The following TMEM26 variants were observed in gnomAD, a reference collection of about 807,000 sequenced individuals.
TMEM26 encodes the protein transmembrane protein 26.
In TMEM26, 38 loss-of-function variants were observed where a neutral mutation model predicts 28.8. The ratio of observed to expected loss-of-function variants is 1.32; its 90% CI spans 1.02 to 1.73. TMEM26 has a LOEUF of 1.73. Among genes scored for constraint, TMEM26 ranks in the 40% most tolerant of loss-of-function variants. The probability of loss-of-function intolerance (pLI) is 0.00; values close to 1 mark genes in which losing one functional copy is unlikely to be tolerated. For synonymous variants in TMEM26, 227 were observed against 182.9 expected (o/e 1.24, Z -1.95); for missense variants, 518 against 447.1 (o/e 1.16, Z -1.43).
intron 1 of TMEM26, among the ~76,000 whole-genome samples, chr10:61,450,658 C>T (rs973616307): frequency 5.3e-5 from 8 of 152,094 alleles, no homozygotes; most frequent in Admixed American, 2.6e-4. Flanking sequence ...TTTTTCTTTG[C>T]TTATTTTCAA....
intron 1 of TMEM26, among the ~76,000 whole-genome samples, chr10:61,447,549 T>A (rs944531012): frequency 6.6e-6 from 1 of 152,192 alleles, no homozygotes; most frequent in Non-Finnish European, 1.5e-5. Context: ...CTGTGAGCCA[T>A]CCAGATAATT....
Position 61,413,462 on chromosome 10 carries a change from C to T in TMEM26, c.679G>A (p.Ala227Thr), listed in dbSNP as rs1470982021. 1.2e-6 allele frequency: 2 copies of T among 1,612,592 alleles called. No homozygotes were observed. Among genetic ancestry groups the T allele is most frequent in the South Asian group, 2.2e-5 (2 of 90,934 alleles). Residue 227 changes from alanine (A) to threonine (T), a missense_variant, in exon 5 of 6, where the codon GCA becomes ACA. Transcript: ENST00000399298. ...WSMLQFPLDL[A>T]VQNVVCPVSV... ...GCACAAACATCAGGATACTTACCTG[C>T]CAGGTCAAGTGGAAACTGCAGCATG...
chr10:61,452,239 G>A (rs1840297351), intron 1 of TMEM26, among the ~76,000 whole-genome samples: 1 of 152,236 alleles, frequency 6.6e-6, no homozygotes, highest in Non-Finnish European at 1.5e-5. Context: ...CTACCTGCTG[G>A]TCCCTTCACC....
chr10:61,446,817 CAAAAAAAAAAAAA>C lies in TMEM26; in HGVS notation c.191+6061_191+6073del, dbSNP rs34030340. 2.6e-3 allele frequency among the ~76,000 whole-genome samples: 89 copies of C among 33,952 alleles called. 1 individual carries two copies. Among genetic ancestry groups the C allele is most frequent in the Non-Finnish European group, 2.0e-3 (40 of 20,274 alleles). 22.3% of individuals were successfully genotyped at this position (33,952 alleles called of 152,430 possible). The stretch of plus-strand genomic sequence containing the variant: ...CTGGCGACAGAGCGAGACTCCATCT[CAAAAAAAAAAAAA>C]AAAAAAAAAAAAAAAAAAAAAATTA... On this transcript the variant is annotated intron_variant, in intron 1 of 5. Coordinates refer to ENST00000399298, the MANE Select transcript of TMEM26 (RefSeq NM_178505.8).
intron 4 of TMEM26, 31 bp downstream of exon 4, chr10:61,428,895 A>G: frequency 6.3e-7 from 1 of 1,596,072 alleles, no homozygotes; most frequent in Non-Finnish European, 8.6e-7. Context: ...GACCCTGAAA[A>G]CAAGGTGTTT....
intron 4 of TMEM26, among the ~76,000 whole-genome samples, chr10:61,424,488 T>C (rs1564475627): frequency 1.3e-5 from 2 of 152,192 alleles, no homozygotes; most frequent in Admixed American, 1.3e-4. Flanking sequence ...TCTTCCCAAA[T>C]TGATCTTTAG....
rs1839543723 is a variant in TMEM26 at position 61,410,117 on chromosome 10, A to G, written c.*205T>C. Reference sequence around the variant, plus strand: ...AACAACTATAACATCTGATACCATCACACAGAAGTTGTAGCAATAGTCACT... The same window carrying G: ...AACAACTATAACATCTGATACCATCGCACAGAAGTTGTAGCAATAGTCACT... On this transcript the variant is annotated 3_prime_UTR_variant, in exon 6 of 6. Coordinates refer to ENST00000399298, the MANE Select transcript of TMEM26 (RefSeq NM_178505.8). 1 of 593,382 alleles carries G rather than the reference A, an allele frequency of 1.7e-6. No homozygotes were observed. The allele number at this position is 593,382 out of a possible 1,614,324, so 36.8% of individuals were successfully genotyped here. A position where few individuals can be genotyped will look rare whatever the true frequency, so the allele number is the denominator to read the frequency against.
At chr10:61,417,426 C>T (rs186283657) in intron 4 of TMEM26, among the ~76,000 whole-genome samples, 80 of 147,422 alleles carry the variant, frequency 5.4e-4, no homozygotes, top group African/African-American at 1.9e-3. Context: ...TGTAAATATT[C>T]CTGTAGAAAA....
At chr10:61,419,443 A>G (rs952092336) in intron 4 of TMEM26, among the ~76,000 whole-genome samples, 3 of 152,140 alleles carry the variant, frequency 2.0e-5, no homozygotes, top group African/African-American at 2.4e-5. Context: ...TCTCATGGCA[A>G]TGACTCAATA....
chr10:61,446,410 T>G (rs1840181161), intron 1 of TMEM26, among the ~76,000 whole-genome samples: 1 of 152,166 alleles, frequency 6.6e-6, no homozygotes, highest in African/African-American at 2.4e-5. Context: ...AAACCTTGGT[T>G]TCAGATATCT....
At chr10:61,414,703 A>C (rs1425803956) in intron 4 of TMEM26, 1 of 152,160 alleles carries the variant, frequency 6.6e-6, no homozygotes, top group East Asian at 1.9e-4. Context: ...ATCCTTTAAA[A>C]GATTTCTGAG....
intron 1 of TMEM26, among the ~76,000 whole-genome samples, chr10:61,451,661 G>A (rs1840282611): frequency 6.6e-6 from 1 of 152,088 alleles, no homozygotes; most frequent in South Asian, 2.1e-4. Flanking sequence ...TCATGGGGGT[G>A]GGGAGGTGGA....
chr10:61,447,051 G>T (rs1224281075), intron 1 of TMEM26, among the ~76,000 whole-genome samples: 1 of 152,090 alleles, frequency 6.6e-6, no homozygotes, highest in Non-Finnish European at 1.5e-5. Context: ...AAAAGCTAAA[G>T]AGAGATTTCA....
In TMEM26 at chr10:61,409,021, A is replaced by C. The variant is rs984407107; in HGVS notation, c.*1301T>G. 6.6e-6 allele frequency: 1 copy of C among 152,180 alleles called. No homozygotes were observed. Among genetic ancestry groups the C allele is most frequent in the Non-Finnish European group, 1.5e-5 (1 of 68,030 alleles). The allele number at this position is 152,180 out of a possible 1,614,324, so 9.4% of individuals were successfully genotyped here. A position where few individuals can be genotyped will look rare whatever the true frequency, so the allele number is the denominator to read the frequency against. On this transcript the variant is annotated 3_prime_UTR_variant, in exon 6 of 6. Coordinates refer to ENST00000399298, the MANE Select transcript of TMEM26 (RefSeq NM_178505.8). The stretch of plus-strand genomic sequence containing the variant: ...GTCCCTTTGAATTCTCGAGTATACT[A>C]ATCTGGGGGAATTAGGTTTTGAACC...
intron 1 of TMEM26, among the ~76,000 whole-genome samples, chr10:61,444,040 A>T (rs1589044089): frequency 6.6e-6 from 1 of 152,178 alleles, no homozygotes; most frequent in Non-Finnish European, 1.5e-5. Context: ...TGAAAAGCAC[A>T]TCTTTCTTTT....
Position 61,410,288 on chromosome 10 carries a change from CAGGTTCT to C in TMEM26, c.*27_*33del. 6.4e-7 allele frequency: 1 copy of C among 1,562,396 alleles called. No individual in the cohort carries two copies. ...CTCCCTGTAAGAAGAACCAGGGAGT[CAGGTTCT>C]AGCCGCAGACCACTGTCAATCAATA... On this transcript the variant is annotated 3_prime_UTR_variant, in exon 6 of 6. Transcript: ENST00000399298.
rs1257040594 is a variant in TMEM26, at chr10:61,453,365, C to T, written c.-284G>A. 5 of 344,522 alleles carry T rather than the reference C, an allele frequency of 1.5e-5. No homozygotes were observed. The highest frequency in any genetic ancestry group is 2.7e-5 in the Non-Finnish European group (5 of 182,894). The allele number at this position is 344,522 out of a possible 1,614,324, so 21.3% of individuals were successfully genotyped here. ...GGGCTGCGCTGCCCTGTCTCCAGGGCGTTATTCTCCAGCGCTGCCCATCCC... is the reference window on the plus strand; with the variant it reads ...GGGCTGCGCTGCCCTGTCTCCAGGGTGTTATTCTCCAGCGCTGCCCATCCC... On this transcript the variant is annotated 5_prime_UTR_variant, in exon 1 of 6. Coordinates refer to ENST00000399298, the MANE Select transcript of TMEM26 (RefSeq NM_178505.8).
chr10:61,422,713 T>G (rs533029988), intron 4 of TMEM26, among the ~76,000 whole-genome samples: 1 of 151,738 alleles, frequency 6.6e-6, no homozygotes, highest in African/African-American at 2.4e-5. Flanking sequence ...GTCTCAAATA[T>G]AATAGAAAAT....
At position 61,442,344 on chromosome 10, in the gene TMEM26, G is replaced by GA. The variant is rs549731315; in HGVS notation, c.192-6097dup. On this transcript the variant is annotated intron_variant, in intron 1 of 5. Coordinates refer to ENST00000399298, the MANE Select transcript of TMEM26 (RefSeq NM_178505.8). ...TGACAATTATTAATGTTTTCTTATT[G>GA]AAAAAAATAACATCCATTCATTTTT... Among the ~76,000 whole-genome samples the GA allele has an allele frequency of 9.9e-5, 15 of 151,614 alleles. No individual in the cohort carries two copies. In the East Asian group the frequency reaches 2.9e-3, roughly 29 times the overall value.
Sources: gnomAD v4.1 joint callset for allele counts (sites outside exome capture counted in the v4.1 genomes callset) on GRCh38, gnomAD v4.1.1 for gene constraint, MANE v1.5 for transcripts, NCBI Gene and HGNC (gene_info 2026-07-23, HGNC 2026-07-21) for gene names.